LOC400499: variants seen among roughly 807,000 people sequenced by gnomAD.
At chr16:11,496,888 A>ATGTGTGTGTGTGTGTG in the LOC400499 span, among the ~76,000 whole-genome samples, 1 of 144,270 alleles carries the variant, frequency 6.9e-6, no homozygotes, top group Non-Finnish European at 1.5e-5. Context: ...GTATGCCTCA[A>ATGTGTGTGTGTGTGTG]TGTGTGTGTG....
the LOC400499 span, chr16:11,423,200 G>A: frequency 2.5e-6 from 1 of 399,366 alleles, no homozygotes; most frequent in East Asian, 3.6e-5. Flanking sequence ...GCCCAGCGAT[G>A]TCCCCTCGGC....
At chr16:11,439,177 G>A in the LOC400499 span, among the ~76,000 whole-genome samples, 208 of 152,198 alleles carry the variant, frequency 1.4e-3, no homozygotes, top group Non-Finnish European at 2.5e-3. Context: ...GGATTACATG[G>A]CTTCTCCCAA....
chr16:11,450,129 G>A, the LOC400499 span, among the ~76,000 whole-genome samples: 1 of 152,138 alleles, frequency 6.6e-6, no homozygotes, highest in Non-Finnish European at 1.5e-5. Context: ...CCACATCCAC[G>A]CATCACCCAG....
At chr16:11,381,209 G>GCAAA in the LOC400499 span, 1 of 152,116 alleles carries the variant, frequency 6.6e-6, no homozygotes, top group African/African-American at 2.4e-5. Flanking sequence ...AGCTGGTATT[G>GCAAA]CAAACATTTT....
the LOC400499 span, among the ~76,000 whole-genome samples, chr16:11,520,661 C>T: frequency 2.1e-5 from 2 of 95,616 alleles, no homozygotes; most frequent in African/African-American, 1.0e-4. Flanking sequence ...AGTGAGACTC[C>T]ATCAAAAAAA....
chr16:11,375,472 C>T, the LOC400499 span, among the ~76,000 whole-genome samples: 5 of 141,772 alleles, frequency 3.5e-5, no homozygotes, highest in South Asian at 1.1e-3. Context: ...CACCACCACT[C>T]CTGGCTAATT....
At chr16:11,481,236 G>A in the LOC400499 span, among the ~76,000 whole-genome samples, 397 of 152,350 alleles carry the variant, frequency 2.6e-3, 1 homozygote, top group African/African-American at 8.7e-3. Flanking sequence ...CGGGTGCAGT[G>A]TCTCTTTTGG....
chr16:11,439,585 T>C, the LOC400499 span: 3 of 399,126 alleles, frequency 7.5e-6, no homozygotes, highest in South Asian at 2.5e-4. Context: ...CCGAGGCCTG[T>C]TGCAGGGAGA....
At chr16:11,412,169 T>C in the LOC400499 span, among the ~76,000 whole-genome samples, 1 of 152,232 alleles carries the variant, frequency 6.6e-6, no homozygotes, top group South Asian at 2.1e-4. Flanking sequence ...CAGGCCTCTC[T>C]CCCCTGTTGC....
the LOC400499 span, among the ~76,000 whole-genome samples, chr16:11,510,993 G>A: frequency 9.7e-4 from 146 of 150,954 alleles, 5 homozygotes; most frequent in African/African-American, 3.2e-3. Context: ...TAAAGGCAAT[G>A]ATGATTTTCT....
the LOC400499 span, among the ~76,000 whole-genome samples, chr16:11,413,236 C>T: frequency 6.6e-6 from 1 of 152,110 alleles, no homozygotes; most frequent in Non-Finnish European, 1.5e-5. Context: ...TGTCACCTGA[C>T]CTCGAGGCCA....
At chr16:11,494,224 T>C in the LOC400499 span, among the ~76,000 whole-genome samples, 1 of 147,432 alleles carries the variant, frequency 6.8e-6, no homozygotes, top group Non-Finnish European at 1.5e-5. Context: ...ACCCACCTTC[T>C]CGGGGTAGGG....
chr16:11,400,101 AT>A, the LOC400499 span, among the ~76,000 whole-genome samples: 1 of 148,788 alleles, frequency 6.7e-6, no homozygotes, highest in Non-Finnish European at 1.5e-5. Flanking sequence ...CAGACTCAGC[AT>A]TTCCAAAGAC....
chr16:11,379,381 C>T, the LOC400499 span, among the ~76,000 whole-genome samples: 9 of 152,200 alleles, frequency 5.9e-5, no homozygotes, highest in African/African-American at 2.2e-4. Flanking sequence ...ATAACTGTTA[C>T]ATCTTTTTGG....
the LOC400499 span, among the ~76,000 whole-genome samples, chr16:11,477,549 G>C: frequency 6.6e-6 from 1 of 152,216 alleles, no homozygotes; most frequent in Admixed American, 6.5e-5. Context: ...CTCCCTTCTG[G>C]GTGGGGTGGA....
At chr16:11,457,822 G>C in the LOC400499 span, among the ~76,000 whole-genome samples, 10 of 152,144 alleles carry the variant, frequency 6.6e-5, no homozygotes, top group East Asian at 1.9e-3. Flanking sequence ...AGACAATGGA[G>C]TATTCGGCCT....
the LOC400499 span, among the ~76,000 whole-genome samples, chr16:11,446,124 C>A: frequency 1.3e-5 from 2 of 151,272 alleles, no homozygotes; most frequent in African/African-American, 4.9e-5. Context: ...CACACCTGGC[C>A]AGGAGAACTT....
At chr16:11,398,319 A>G in the LOC400499 span, 1 of 1,232,066 alleles carries the variant, frequency 8.1e-7, no homozygotes, top group Middle Eastern at 3.1e-4. Flanking sequence ...CTGGTCCTCC[A>G]GCTGCCCCCT....
the LOC400499 span, among the ~76,000 whole-genome samples, chr16:11,524,031 C>G: frequency 5.2e-3 from 529 of 102,104 alleles, 5 homozygotes; most frequent in South Asian, 0.017. Flanking sequence ...CCCAACCCCC[C>G]TCCTACGCAT....
Sources: allele counts gnomAD v4.1 joint callset (sites outside exome capture counted in the v4.1 genomes callset), GRCh38; gene constraint gnomAD v4.1.1; transcripts MANE v1.5.